Variants in RBFOX3 observed in about 807,000 individuals in gnomAD.
The protein encoded by RBFOX3 is RNA binding fox-1 homolog 3.
In RBFOX3, 17 loss-of-function variants were observed where a neutral mutation model predicts 48.7. The ratio of observed to expected loss-of-function variants is 0.35; its 90% CI spans 0.24 to 0.52. The LOEUF (loss-of-function observed/expected upper bound fraction) is 0.52, where lower values mean the gene tolerates loss of function less well. RBFOX3 is among the 20% of genes least tolerant of loss of function. The pLI is 0.94. For synonymous variants in RBFOX3, 212 were observed against 209.5 expected, an observed-to-expected ratio of 1.01 and a Z score of -0.10; for missense variants, 382 against 497.5, an observed-to-expected ratio of 0.77 and a Z score of 2.21.
At chr17:79,322,054 T>C (rs541794369) in intron 2 of RBFOX3, among the ~76,000 whole-genome samples, 1 of 152,156 alleles carries the variant, frequency 6.6e-6, no homozygotes, top group East Asian at 1.9e-4. Flanking sequence ...TGAACTACTC[T>C]CAATGTTACC....
chr17:79,273,500 C>G (rs2068107859), intron 3 of RBFOX3, among the ~76,000 whole-genome samples: 1 of 151,594 alleles, frequency 6.6e-6, no homozygotes, highest in Non-Finnish European at 1.5e-5. Context: ...TGCCCAGAGT[C>G]CCAGTGGTCC....
chr17:79,276,873 T>C (rs2068966972), intron 3 of RBFOX3, among the ~76,000 whole-genome samples: 1 of 152,180 alleles, frequency 6.6e-6, no homozygotes, highest in South Asian at 2.1e-4. Context: ...AAGGGGAATC[T>C]GAGGCAGGGA....
intron 1 of RBFOX3, among the ~76,000 whole-genome samples, chr17:79,508,494 C>T (rs1381072054): frequency 1.3e-5 from 2 of 152,228 alleles, no homozygotes; most frequent in Non-Finnish European, 2.9e-5. Flanking sequence ...TCAGTGCCTC[C>T]CTCCTCTCTC....
the RBFOX3 span, among the ~76,000 whole-genome samples, chr17:79,642,536 A>C: frequency 1.3e-5 from 2 of 152,198 alleles, no homozygotes; most frequent in Non-Finnish European, 2.9e-5. Flanking sequence ...TATTTTAAGA[A>C]AGCATGCTGT....
chr17:79,437,079 G>A (rs909179474), intron 2 of RBFOX3, among the ~76,000 whole-genome samples: 2 of 152,122 alleles, frequency 1.3e-5, no homozygotes, highest in African/African-American at 4.8e-5. Context: ...CTCCAACAGG[G>A]ACCTTTGAGT....
At chr17:79,631,779 C>T in the RBFOX3 span, among the ~76,000 whole-genome samples, 7 of 152,230 alleles carry the variant, frequency 4.6e-5, no homozygotes, top group Admixed American at 2.6e-4. Context: ...ACGGGCCTAG[C>T]TCCAGGACAC....
intron 2 of RBFOX3, among the ~76,000 whole-genome samples, chr17:79,377,883 C>A (rs2059412297): frequency 6.6e-6 from 1 of 152,088 alleles, no homozygotes; most frequent in South Asian, 2.1e-4. Flanking sequence ...TCCCAGCACT[C>A]TAGAGAGGGG....
chr17:79,192,964 ATCTG>A (rs2054822133), intron 4 of RBFOX3, among the ~76,000 whole-genome samples: 1 of 152,176 alleles, frequency 6.6e-6, no homozygotes, highest in Admixed American at 6.5e-5. Flanking sequence ...TGTGAGGACT[ATCTG>A]TCTGGCCTCT....
chr17:79,637,109 T>C, the RBFOX3 span, among the ~76,000 whole-genome samples: 2 of 152,272 alleles, frequency 1.3e-5, no homozygotes, highest in African/African-American at 4.8e-5. Flanking sequence ...ATATAACAAA[T>C]ATAAGTCTAT....
At chr17:79,290,395 C>T (rs544328971) in intron 3 of RBFOX3, among the ~76,000 whole-genome samples, 1 of 152,208 alleles carries the variant, frequency 6.6e-6, no homozygotes, top group African/African-American at 2.4e-5. Context: ...CTCATTTTCC[C>T]CATCTGGAAA....
the RBFOX3 span, among the ~76,000 whole-genome samples, chr17:79,657,220 CTCT>C: frequency 6.6e-6 from 1 of 152,190 alleles, no homozygotes; most frequent in Admixed American, 6.5e-5. Context: ...AAGCCTTCTC[CTCT>C]GAGCTGATCC....
At chr17:79,140,812 C>T (rs962086293) in intron 4 of RBFOX3, among the ~76,000 whole-genome samples, 4 of 152,188 alleles carry the variant, frequency 2.6e-5, no homozygotes, top group Non-Finnish European at 4.4e-5. Context: ...CACTTCTCCA[C>T]CCGGAATTCT....
intron 2 of RBFOX3, among the ~76,000 whole-genome samples, chr17:79,395,877 A>T (rs1030075471): frequency 7.2e-5 from 11 of 152,228 alleles, no homozygotes; most frequent in Non-Finnish European, 1.5e-4. Flanking sequence ...CAGAAGGGGT[A>T]GACCCTCACC....
intron 2 of RBFOX3, among the ~76,000 whole-genome samples, chr17:79,331,845 T>C (rs2080355005): frequency 6.6e-6 from 1 of 152,154 alleles, no homozygotes; most frequent in Non-Finnish European, 1.5e-5. Context: ...TCTTCGACTA[T>C]TTTTCTCAAT....
intron 4 of RBFOX3, among the ~76,000 whole-genome samples, chr17:79,174,467 A>C (rs2050090940): frequency 6.6e-6 from 1 of 151,902 alleles, no homozygotes; most frequent in Non-Finnish European, 1.5e-5. Context: ...CCACATGCAC[A>C]CAATGCAGTC....
In RBFOX3 at chr17:79,174,997, G is replaced by A. The variant is rs114925888; in HGVS notation, c.-33-59249C>T. 4.9e-3 allele frequency among the ~76,000 whole-genome samples: 753 copies of A among 152,144 alleles called. 5 individuals carry two copies. The highest frequency in any genetic ancestry group is 0.017 in the African/African-American group (711 of 41,516). On this transcript the variant is annotated intron_variant, in intron 4 of 14. Coordinates refer to ENST00000693108, the MANE Select transcript of RBFOX3 (RefSeq NM_001350451.2). The stretch of plus-strand genomic sequence containing the variant: ...CTCGGGGCCTCCTCTGCCCCTCTCC[G>A]AGGCCCCCGTGCCAACCCCCAGGCA...
At position 79,392,362 on chromosome 17, in the gene RBFOX3, G is replaced by A. The variant is rs994414438; in HGVS notation, c.-174-84538C>T. Among the ~76,000 whole-genome samples the A allele has an allele frequency of 3.3e-5, 5 of 152,296 alleles. No individual in the cohort carries two copies. The highest frequency in any genetic ancestry group is 2.9e-5 in the Non-Finnish European group (2 of 68,018). On this transcript the variant is annotated intron_variant, in intron 2 of 14. Coordinates refer to ENST00000693108, the MANE Select transcript of RBFOX3 (RefSeq NM_001350451.2). This position sits in a 1 kb window ranked among gnomAD's most constrained non-coding sequence, Gnocchi z 5.0. ...GTGATCCTGGGCACGTGATTTCACC[G>A]TCTTTCATTGTGGAGTTGTGAAGAT...
chr17:79,306,236 C>G (rs1339219775), intron 3 of RBFOX3, among the ~76,000 whole-genome samples: 4 of 152,242 alleles, frequency 2.6e-5, no homozygotes, highest in African/African-American at 9.6e-5. Context: ...GCTAAGAGCA[C>G]CCATGCACGG....
intron 3 of RBFOX3, among the ~76,000 whole-genome samples, chr17:79,267,051 T>C (rs1006589): frequency 0.43 from 65,752 of 151,982 alleles, 14,820 homozygotes; most frequent in Middle Eastern, 0.6. Context: ...GTCCTGAAAC[T>C]AGGAGCTGGC....
Sources: gnomAD v4.1 joint callset for allele counts (sites outside exome capture counted in the v4.1 genomes callset) on GRCh38, gnomAD v4.1.1 for gene constraint, Gnocchi (gnomAD v3.1) non-coding constraint, MANE v1.5 for transcripts, NCBI Gene and HGNC (gene_info 2026-07-23, HGNC 2026-07-21) for gene names.